The following AKAP3 variants were observed in gnomAD, a reference collection of about 807,000 sequenced individuals.
AKAP3 encodes A-kinase anchoring protein 3.
A neutral mutation model predicts 57.2 loss-of-function variants in AKAP3; 27 were observed. That is an observed-to-expected ratio of 0.47 (90% CI 0.35 to 0.65). The LOEUF is 0.65. Ranked by LOEUF, AKAP3 falls within the 30% of genes least tolerant of loss-of-function variation. AKAP3 has a pLI of 0.01. For missense variants in AKAP3, 959 were observed against 1,040.0 expected (o/e 0.92, Z 1.07); for synonymous variants, 334 against 392.3 (o/e 0.85, Z 1.76).
chr12:4,636,694 A>G (rs1223341774), intron 4 of AKAP3, among the ~76,000 whole-genome samples: 1 of 152,242 alleles, frequency 6.6e-6, no homozygotes, highest in Non-Finnish European at 1.5e-5. Flanking sequence ...ATTTGGACAA[A>G]TAGAAGAAGA....
chr12:4,644,217 T>C (rs2137451964), intron 2 of AKAP3, among the ~76,000 whole-genome samples: 1 of 152,302 alleles, frequency 6.6e-6, no homozygotes, highest in East Asian at 1.9e-4. Context: ...TTCTAGTCCC[T>C]GTTAGTATAG....
In AKAP3 at chr12:4,625,816, C is replaced by T. The variant is rs938984250; in HGVS notation, c.2406+680G>A. On this transcript the variant is annotated intron_variant, in intron 5 of 5. Transcript: ENST00000228850. The surrounding 1 kb of genome is among the most constrained non-coding windows in gnomAD (Gnocchi z 5.4). ...GTGTGAAGCATCTGGGGTAAGTGTG[C>T]GTGTTCTCCAGACTCAAACCCTCCC... Among the ~76,000 whole-genome samples, 1 of 152,010 alleles carries T rather than the reference C, an allele frequency of 6.6e-6. No individual in the cohort carries two copies. The highest frequency in any genetic ancestry group is 1.5e-5 in the Non-Finnish European group (1 of 68,018).
rs751325732 is a variant in AKAP3, at chr12:4,627,066, G to C, written c.1836C>G (p.Ser612Arg). Residue 612 changes from serine (S) to arginine (R), a missense_variant, in exon 5 of 6, where the codon AGC (serine) becomes AGG (arginine). Transcript: ENST00000228850. ...LSETIFKRDQ[S>R]PEPKVPEQPV... ...GCTGTTCCGGCACCTTGGGTTCAGG[G>C]CTCTGGTCACGCTTGAAAATGGTCT... The C allele has an allele frequency of 1.1e-5, 18 of 1,614,094 alleles. No individual in the cohort carries two copies. In the East Asian group the frequency reaches 3.8e-4, roughly 34 times the overall value.
chr12:4,621,596 G>A (rs1318297343), intron 5 of AKAP3, among the ~76,000 whole-genome samples: 1 of 152,178 alleles, frequency 6.6e-6, no homozygotes, highest in Non-Finnish European at 1.5e-5. Flanking sequence ...TAAGTGTGTA[G>A]CCTAGGAGCA....
rs1407197638 is a variant in AKAP3 at position 4,641,883 on chromosome 12, T to C, written c.-1+16A>G. The C allele has an allele frequency of 6.6e-6, 1 of 152,184 alleles. No individual in the cohort carries two copies. The highest frequency in any genetic ancestry group is 2.1e-4 in the South Asian group (1 of 4,834). 9.4% of individuals were successfully genotyped at this position (152,184 alleles called of 1,614,324 possible). A position where few individuals can be genotyped will look rare whatever the true frequency, so the allele number is the denominator to read the frequency against. Reference sequence around the variant, plus strand: ...CAATTATGTACAAAAAGTACAGAAATTATGTGATCACTTACTCTTACAGAG... The same window carrying C: ...CAATTATGTACAAAAAGTACAGAAACTATGTGATCACTTACTCTTACAGAG... On this transcript the variant is annotated intron_variant, in intron 3 of 5. Coordinates refer to ENST00000228850, the MANE Select transcript of AKAP3 (RefSeq NM_001278309.2).
intron 2 of AKAP3, among the ~76,000 whole-genome samples, chr12:4,643,084 A>T (rs1464423986): frequency 6.6e-6 from 1 of 152,254 alleles, no homozygotes; most frequent in Non-Finnish European, 1.5e-5. Flanking sequence ...ATAAATCAAC[A>T]TCTTAAAAGT....
At chr12:4,647,745 T>C (rs974333023) in intron 1 of AKAP3, 1 of 152,184 alleles carries the variant, frequency 6.6e-6, no homozygotes, top group African/African-American at 2.4e-5. Flanking sequence ...GAACATAGGA[T>C]AAGGCCAAGA....
intron 4 of AKAP3, 47 bp from the exon 5 acceptor site, chr12:4,628,852 T>C: frequency 2.6e-6 from 4 of 1,539,236 alleles, no homozygotes; most frequent in African/African-American, 1.4e-5. Context: ...AGTAAAGATA[T>C]GGGATATTCA....
chr12:4,637,155 A>G (rs1164940367), intron 4 of AKAP3, among the ~76,000 whole-genome samples: 2 of 152,254 alleles, frequency 1.3e-5, no homozygotes, highest in African/African-American at 4.8e-5. Context: ...TGACCCTGAC[A>G]GTCAGGACAG....
At position 4,615,712 on chromosome 12, in the gene AKAP3, A is replaced by G. The variant is rs762690249; in HGVS notation, c.*27T>C. 6.2e-7 allele frequency: 1 copy of G among 1,605,670 alleles called. No homozygotes were observed. The highest frequency in any genetic ancestry group is 2.2e-5 in the East Asian group (1 of 44,664). ...GGATAAGGGCCGGCCCCACTGCCAG[A>G]AGAGGGGAAAGCAGTGGGGTTGCCG... On this transcript the variant is annotated 3_prime_UTR_variant, in exon 6 of 6. Coordinates refer to ENST00000228850, the MANE Select transcript of AKAP3 (RefSeq NM_001278309.2).
intron 5 of AKAP3, among the ~76,000 whole-genome samples, chr12:4,617,751 C>CA (rs3083727): frequency 0.13 from 15,902 of 118,326 alleles, 1,104 homozygotes; most frequent in East Asian, 0.28. Flanking sequence ...GATTCTGTCT[C>CA]AAAAAAAAAA....
At chr12:4,631,012 A>C (rs1945491319) in intron 4 of AKAP3, among the ~76,000 whole-genome samples, 1 of 152,296 alleles carries the variant, frequency 6.6e-6, no homozygotes, top group East Asian at 1.9e-4. Flanking sequence ...CAATAGATCC[A>C]TCTAATGGAG....
rs1945497171 is a variant in AKAP3, at chr12:4,631,463, A to AGTGTCTGTATCACTAT, written c.97-2674_97-2659dup. 2.0e-5 allele frequency: 13 copies of AGTGTCTGTATCACTAT among 645,342 alleles called. No homozygotes were observed. In the South Asian group the frequency reaches 2.4e-4, roughly 12 times the overall value. 40.0% of individuals were successfully genotyped at this position (645,342 alleles called of 1,614,324 possible). ...ATTGAAGCTATAAACTGTCTCTATC[A>AGTGTCTGTATCACTAT]GTGTCTGTATCACTATGTGTCTGTA... On this transcript the variant is annotated intron_variant, in intron 4 of 5. Transcript: ENST00000228850.
intron 4 of AKAP3, chr12:4,635,439 T>C (rs1591532142): frequency 2.7e-6 from 2 of 733,906 alleles, no homozygotes; most frequent in Non-Finnish European, 4.8e-6. Context: ...TTGTGGTTCA[T>C]TCTTTGGCAA....
intron 1 of AKAP3, among the ~76,000 whole-genome samples, chr12:4,646,990 C>T (rs1347201066): frequency 6.6e-6 from 1 of 151,988 alleles, no homozygotes; most frequent in Admixed American, 6.5e-5. Context: ...ACTATGTTGG[C>T]CAAGCTGGTC....
In AKAP3 at chr12:4,628,000, A is replaced by G; in HGVS notation, c.902T>C (p.Met301Thr). ...SVVSDMMVSI[M>T]KTLKIQVKDT... Reference sequence around the variant, plus strand: ...TTTCACTTGGATCTTCAGTGTCTTCATGATGGAGACCATCATATCAGATAC... The same window carrying G: ...TTTCACTTGGATCTTCAGTGTCTTCGTGATGGAGACCATCATATCAGATAC... Residue 301 changes from methionine to threonine, a missense_variant, in exon 5 of 6, where the codon ATG (methionine) becomes ACG (threonine). By Grantham distance (81) the Met-to-Thr change is moderately conservative. Coordinates refer to ENST00000228850, the MANE Select transcript of AKAP3 (RefSeq NM_001278309.2). The G allele has an allele frequency of 5.6e-6, 9 of 1,614,040 alleles. No homozygotes were observed. Among genetic ancestry groups the G allele is most frequent in the Non-Finnish European group, 7.6e-6 (9 of 1,179,972 alleles).
chr12:4,635,794 A>G (rs1945558283), intron 4 of AKAP3: 8 of 700,226 alleles, frequency 1.1e-5, no homozygotes, highest in South Asian at 1.1e-4. Flanking sequence ...CTGTAGTGTC[A>G]TCAAGACACA....
intron 5 of AKAP3, among the ~76,000 whole-genome samples, chr12:4,619,260 A>G (rs1465033639): frequency 6.6e-6 from 1 of 152,228 alleles, no homozygotes; most frequent in East Asian, 1.9e-4. Flanking sequence ...CAATTTCTTA[A>G]GAAATTACAC....
intron 2 of AKAP3, among the ~76,000 whole-genome samples, chr12:4,644,819 C>T (rs959776331): frequency 2.6e-5 from 4 of 152,058 alleles, no homozygotes; most frequent in Admixed American, 6.6e-5. Context: ...GAGTCTGAGG[C>T]AGAGGAATCA....
Sources: allele counts gnomAD v4.1 joint callset (sites outside exome capture counted in the v4.1 genomes callset), GRCh38; gene constraint gnomAD v4.1.1; non-coding constraint Gnocchi (gnomAD v3.1); transcripts MANE v1.5; gene names NCBI Gene and HGNC (gene_info 2026-07-23, HGNC 2026-07-21).